SGPP2: variants seen among roughly 807,000 people sequenced by gnomAD.
The protein encoded by SGPP2 is sphingosine-1-phosphate phosphatase 2.
A neutral mutation model predicts 33.9 loss-of-function variants in SGPP2; 30 were observed. That is an observed-to-expected ratio of 0.89 (90% CI 0.66 to 1.20). The LOEUF (loss-of-function observed/expected upper bound fraction) is 1.20, where lower values mean the gene tolerates loss of function less well. Among genes scored for constraint, SGPP2 ranks in the 50% most tolerant of loss-of-function variants. The pLI, the probability that SGPP2 is intolerant of heterozygous loss-of-function variation, is 0.00. For missense variants in SGPP2, 458 were observed against 532.1 expected (o/e 0.86, Z 1.37); for synonymous variants, 233 against 225.0 (o/e 1.04, Z -0.32).
At chr2:222,457,809 G>A (rs909344109) in intron 1 of SGPP2, among the ~76,000 whole-genome samples, 1 of 152,202 alleles carries the variant, frequency 6.6e-6, no homozygotes, top group East Asian at 1.9e-4. Flanking sequence ...ACCCCAGGGA[G>A]GGTAGACCTG....
chr2:222,430,237 T>C (rs1234773130), intron 1 of SGPP2, among the ~76,000 whole-genome samples: 1 of 152,218 alleles, frequency 6.6e-6, no homozygotes. Flanking sequence ...GAGAAGCTCT[T>C]TCTTTACCTG....
rs745818561 is a variant in SGPP2 at position 222,434,022 on chromosome 2, G to A, written c.219+9201G>A. Among the ~76,000 whole-genome samples the A allele has an allele frequency of 9.3e-4, 142 of 152,234 alleles. 1 individual carries two copies. Among genetic ancestry groups the A allele is most frequent in the Middle Eastern group, 3.4e-3 (1 of 294 alleles). On this transcript the variant is annotated intron_variant, in intron 1 of 4. Transcript: ENST00000321276. ...TAATGATTAAGTCCTCTGTGGTCCC[G>A]ATTAGAATTATATCCTGAACTAAGG...
intron 2 of SGPP2, among the ~76,000 whole-genome samples, chr2:222,493,089 A>G (rs565005767): frequency 1.2e-3 from 179 of 152,320 alleles, no homozygotes; most frequent in African/African-American, 4.0e-3. Flanking sequence ...CCAGTTCCAA[A>G]GTCACTTCCA....
chr2:222,548,442 C>T (rs1428427306), intron 4 of SGPP2, among the ~76,000 whole-genome samples: 1 of 152,236 alleles, frequency 6.6e-6, no homozygotes, highest in Admixed American at 6.5e-5. Flanking sequence ...TCCTGAGCCT[C>T]AGTCAGTTTT....
intron 2 of SGPP2, among the ~76,000 whole-genome samples, chr2:222,518,411 A>AT (rs1263881392): frequency 2.0e-5 from 3 of 152,182 alleles, no homozygotes; most frequent in South Asian, 4.1e-4. Context: ...GATTTTAAGT[A>AT]TTTTTTTACC....
chr2:222,556,174 G>A (rs986911197), intron 4 of SGPP2, among the ~76,000 whole-genome samples: 1 of 152,154 alleles, frequency 6.6e-6, no homozygotes, highest in African/African-American at 2.4e-5. Context: ...AGAGACTGGA[G>A]GCAACATGTG....
intron 2 of SGPP2, chr2:222,504,813 A>G (rs1258427815): frequency 1.3e-5 from 2 of 152,276 alleles, no homozygotes; most frequent in Non-Finnish European, 2.9e-5. Context: ...CAATATAGAC[A>G]AGCCCATTTA....
intron 2 of SGPP2, among the ~76,000 whole-genome samples, chr2:222,479,352 G>T (rs1697994262): frequency 6.6e-6 from 1 of 150,596 alleles, no homozygotes; most frequent in African/African-American, 2.5e-5. Context: ...TGCTCTTATG[G>T]CATTTATTAA....
chr2:222,484,427 G>T (rs1373556775), intron 2 of SGPP2, among the ~76,000 whole-genome samples: 1 of 152,168 alleles, frequency 6.6e-6, no homozygotes, highest in Non-Finnish European at 1.5e-5. Context: ...TGGCTTTAAA[G>T]CTTTGTCAGG....
At chr2:222,525,844 C>T (rs1377936043) in intron 4 of SGPP2, among the ~76,000 whole-genome samples, 3 of 152,176 alleles carry the variant, frequency 2.0e-5, no homozygotes, top group Non-Finnish European at 2.9e-5. Context: ...ACACCCCACA[C>T]GGGCCTTCTT....
intron 4 of SGPP2, among the ~76,000 whole-genome samples, chr2:222,528,017 A>G (rs1178693155): frequency 2.0e-5 from 3 of 152,110 alleles, no homozygotes; most frequent in African/African-American, 7.2e-5. Flanking sequence ...TGACATGATG[A>G]TATAGTTAGG....
intron 1 of SGPP2, chr2:222,452,663 G>C: frequency 7.2e-7 from 1 of 1,384,588 alleles, no homozygotes; most frequent in Non-Finnish European, 1.0e-6. Flanking sequence ...AGTTGCTCCA[G>C]GACTGGATGT....
intron 4 of SGPP2, among the ~76,000 whole-genome samples, chr2:222,557,314 C>T (rs1689428807): frequency 6.6e-6 from 1 of 152,198 alleles, no homozygotes; most frequent in African/African-American, 2.4e-5. Context: ...GGCACTCATA[C>T]TTGACCACTG....
chr2:222,528,035 A>G (rs1698786422), intron 4 of SGPP2, among the ~76,000 whole-genome samples: 1 of 152,174 alleles, frequency 6.6e-6, no homozygotes, highest in Non-Finnish European at 1.5e-5. Flanking sequence ...AGGATGGAAT[A>G]ACTGGATTGA....
At chr2:222,467,249 C>T (rs115001826) in intron 1 of SGPP2, among the ~76,000 whole-genome samples, 2,488 of 152,020 alleles carry the variant, frequency 0.016, 69 homozygotes, top group African/African-American at 0.057. Context: ...AACAAGATGC[C>T]CAGGTCATTC....
chr2:222,439,946 G>C (rs1254998943), intron 1 of SGPP2, among the ~76,000 whole-genome samples: 1 of 152,150 alleles, frequency 6.6e-6, no homozygotes. Flanking sequence ...ATGTAAGAAG[G>C]AAGTATTGGA....
intron 1 of SGPP2, among the ~76,000 whole-genome samples, chr2:222,427,168 A>T (rs1034807502): frequency 1.3e-5 from 2 of 152,158 alleles, no homozygotes; most frequent in South Asian, 2.1e-4. Context: ...CTTTTCTGTT[A>T]TGGTCCTTAT....
intron 4 of SGPP2, among the ~76,000 whole-genome samples, chr2:222,552,917 C>T (rs1371576132): frequency 1.3e-5 from 2 of 152,060 alleles, no homozygotes; most frequent in Non-Finnish European, 2.9e-5. Context: ...TCCCCAATAA[C>T]CTATGGAAAT....
chr2:222,502,323 C>G (rs1248263797), intron 2 of SGPP2, among the ~76,000 whole-genome samples: 1 of 152,110 alleles, frequency 6.6e-6, no homozygotes, highest in Non-Finnish European at 1.5e-5. Context: ...TAGCCAGGAT[C>G]CTTTGAAGGT....
Sources: allele counts gnomAD v4.1 joint callset (sites outside exome capture counted in the v4.1 genomes callset), GRCh38; gene constraint gnomAD v4.1.1; transcripts MANE v1.5; gene names NCBI Gene and HGNC (gene_info 2026-07-23, HGNC 2026-07-21).